Variants in EVC2 observed in about 807,000 individuals in gnomAD.
EVC2 encodes the protein limbin.
A neutral mutation model predicts 149.3 loss-of-function variants in EVC2; 148 were observed. That is an observed-to-expected ratio of 0.99 (90% confidence interval 0.87 to 1.14). The LOEUF is 1.14. Ranked by LOEUF, EVC2 falls within the 50% of genes most tolerant of loss-of-function variation. The pLI, the probability that EVC2 is intolerant of heterozygous loss-of-function variation, is 0.00. For synonymous variants in EVC2, 776 were observed against 649.9 expected, an observed-to-expected ratio of 1.19 and a Z score of -2.95; for missense variants, 1,854 against 1,627.3, an observed-to-expected ratio of 1.14 and a Z score of -2.40.
intron 7 of EVC2, 148 bp from the exon 8 acceptor site, chr4:5,665,797 T>A: frequency 7.9e-7 from 1 of 1,272,724 alleles, no homozygotes; most frequent in Non-Finnish European, 1.1e-6. Flanking sequence ...ACCAGCTGGC[T>A]GCCTGGAGGC....
Position 5,640,299 on chromosome 4 carries a change from A to G in EVC2, c.1470+215T>C. ...AGTGGGTGGATGGATGAGTGGGTGAATGGGTAGATGGGTGGATGGACAGAT... is the reference window on the plus strand; with the variant it reads ...AGTGGGTGGATGGATGAGTGGGTGAGTGGGTAGATGGGTGGATGGACAGAT... On this transcript the variant is annotated intron_variant, in intron 10 of 21. Coordinates refer to ENST00000344408, the MANE Select transcript of EVC2 (RefSeq NM_147127.5). This position sits in a 1 kb window ranked among gnomAD's most constrained non-coding sequence, Gnocchi z 4.6. Among the ~76,000 whole-genome samples the G allele has an allele frequency of 6.6e-6, 1 of 151,832 alleles. No homozygotes were observed. Among genetic ancestry groups the G allele is most frequent in the East Asian group, 1.9e-4 (1 of 5,176 alleles).
rs981092755 is a variant in EVC2 at position 5,614,999 on chromosome 4, CA to C, written c.2829+422del. ...TTCAAAAAAACCAAAACCAAACAAA[CA>C]AAAAAAAATGGGGCTGAAGGGAGAG... On this transcript the variant is annotated intron_variant, in intron 16 of 21. Coordinates refer to ENST00000344408, the MANE Select transcript of EVC2 (RefSeq NM_147127.5). This position sits in a 1 kb window ranked among gnomAD's most constrained non-coding sequence, Gnocchi z 4.7. 1.3e-4 allele frequency among the ~76,000 whole-genome samples: 20 copies of C among 150,460 alleles called. No individual in the cohort carries two copies. Among genetic ancestry groups the C allele is most frequent in the South Asian group, 2.1e-4 (1 of 4,748 alleles).
intron 16 of EVC2, among the ~76,000 whole-genome samples, chr4:5,601,102 C>T (rs1300913241): frequency 6.6e-6 from 1 of 152,126 alleles, no homozygotes; most frequent in African/African-American, 2.4e-5. Flanking sequence ...AAGATACTCA[C>T]ACTGGGGATT....
intron 16 of EVC2, among the ~76,000 whole-genome samples, chr4:5,601,559 A>G (rs955025159): frequency 6.6e-6 from 1 of 152,074 alleles, no homozygotes; most frequent in Non-Finnish European, 1.5e-5. Flanking sequence ...CAACACTGGA[A>G]TCCCGAGAGT....
At chr4:5,553,254 G>A (rs1385541933) in intron 21 of EVC2, among the ~76,000 whole-genome samples, 1 of 152,102 alleles carries the variant, frequency 6.6e-6, no homozygotes, top group Non-Finnish European at 1.5e-5. Context: ...GGTGGGGGGT[G>A]GGTGGTTTTA....
At chr4:5,635,233 C>T (rs1716818816) in intron 10 of EVC2, among the ~76,000 whole-genome samples, 1 of 151,832 alleles carries the variant, frequency 6.6e-6, no homozygotes, top group Non-Finnish European at 1.5e-5. Context: ...GGCGGGATTT[C>T]ACCATGTTGG....
intron 21 of EVC2, among the ~76,000 whole-genome samples, chr4:5,548,296 A>G (rs1415087560): frequency 6.6e-6 from 1 of 151,436 alleles, no homozygotes; most frequent in Non-Finnish European, 1.5e-5. Flanking sequence ...TACCCCAAAG[A>G]TCCCTCAAAA....
chr4:5,663,395 G>A (rs1236997959), intron 8 of EVC2, 149 bp from the exon 9 acceptor site: 6 of 1,036,938 alleles, frequency 5.8e-6, no homozygotes, highest in Admixed American at 5.6e-5. Flanking sequence ...ACAAGCTTTT[G>A]CGAATGTCCC....
intron 19 of EVC2, among the ~76,000 whole-genome samples, chr4:5,570,036 T>C (rs1722554337): frequency 6.6e-6 from 1 of 152,314 alleles, no homozygotes; most frequent in Non-Finnish European, 1.5e-5. Context: ...TTTTGGACTC[T>C]ACATGAGTCT....
In EVC2 at chr4:5,622,052, G is replaced by A. The variant is rs901746479; in HGVS notation, c.2501+485C>T. 5.9e-5 allele frequency among the ~76,000 whole-genome samples: 9 copies of A among 152,022 alleles called. No homozygotes were observed. The highest frequency in any genetic ancestry group is 1.9e-4 in the East Asian group (1 of 5,162). On this transcript the variant is annotated intron_variant, in intron 14 of 21. Coordinates refer to ENST00000344408, the MANE Select transcript of EVC2 (RefSeq NM_147127.5). This position sits in a 1 kb window ranked among gnomAD's most constrained non-coding sequence, Gnocchi z 5.8. The stretch of plus-strand genomic sequence containing the variant: ...TGCAGTGTGGTGGAAGAACTAACAC[G>A]AAGGTCAAGATCATGAGCAGCCTTG...
intron 12 of EVC2, among the ~76,000 whole-genome samples, chr4:5,628,168 G>A (rs942775259): frequency 6.6e-6 from 1 of 152,088 alleles, no homozygotes; most frequent in Non-Finnish European, 1.5e-5. Context: ...GTTTGTGTCA[G>A]GCAGTTCATT....
chr4:5,681,376 T>C, intron 6 of EVC2, 63 bp from the exon 7 acceptor site: 2 of 1,550,566 alleles, frequency 1.3e-6, no homozygotes, highest in African/African-American at 1.4e-5. Flanking sequence ...TGGGATAACA[T>C]TTGGTGCGAT....
intron 21 of EVC2, chr4:5,543,253 C>T (rs1381298222): frequency 6.4e-6 from 8 of 1,256,956 alleles, no homozygotes; most frequent in Non-Finnish European, 7.3e-6. Context: ...AAGTCTCTCC[C>T]ATCCCTACCC....
chr4:5,573,182 A>G (rs902332788), intron 19 of EVC2, among the ~76,000 whole-genome samples: 1 of 152,144 alleles, frequency 6.6e-6, no homozygotes, highest in Admixed American at 6.5e-5. Flanking sequence ...TCCCTCCCCA[A>G]AATGTCCCAT....
chr4:5,640,580 G>T lies in EVC2; in HGVS notation c.1404C>A (p.Asn468Lys). The T allele has an allele frequency of 2.5e-6, 4 of 1,614,066 alleles. No individual in the cohort carries two copies. In the Middle Eastern group the frequency reaches 4.9e-4, roughly 200 times the overall value. Residue 468 changes from asparagine to lysine, a missense_variant, in exon 10 of 22, where the codon AAC (asparagine) becomes AAA (lysine). Asn to Lys is a moderately conservative substitution (Grantham distance 94). Transcript: ENST00000344408. The surrounding 1 kb of genome is among the most constrained non-coding windows in gnomAD (Gnocchi z 4.6). ...CDLETRKKME[N>K]QYQREMMAME... ...TTGCCATCATCTCTCTCTGGTACTG[G>T]TTTTCCATCTTCTTTCTTGTTTCCA...
At chr4:5,673,483 T>G (rs140349817) in intron 7 of EVC2, among the ~76,000 whole-genome samples, 1 of 152,190 alleles carries the variant, frequency 6.6e-6, no homozygotes, top group African/African-American at 2.4e-5. Flanking sequence ...TGAGAATCAC[T>G]GTAAGTACAG....
chr4:5,607,962 G>C (rs1192068745), intron 16 of EVC2, among the ~76,000 whole-genome samples: 2 of 151,884 alleles, frequency 1.3e-5, no homozygotes, highest in African/African-American at 4.8e-5. Context: ...GGAGGCAGTG[G>C]GAAGAACACA....
At chr4:5,659,237 G>A (rs932864168) in intron 9 of EVC2, among the ~76,000 whole-genome samples, 5 of 152,084 alleles carry the variant, frequency 3.3e-5, no homozygotes, top group Admixed American at 2.0e-4. Flanking sequence ...TTACAAATGC[G>A]ATAACTGATT....
At position 5,613,279 on chromosome 4, in the gene EVC2, T is replaced by C. The variant is rs1577157386; in HGVS notation, c.2829+2143A>G. ...GCTTCAACCCTCTGGGTTCCCTCTGTGCACTGTGGCCTCCAGCACAGTCCA... is the reference window on the plus strand; with the variant it reads ...GCTTCAACCCTCTGGGTTCCCTCTGCGCACTGTGGCCTCCAGCACAGTCCA... On this transcript the variant is annotated intron_variant, in intron 16 of 21. Transcript: ENST00000344408. This position sits in a 1 kb window ranked among gnomAD's most constrained non-coding sequence, Gnocchi z 4.6. Among the ~76,000 whole-genome samples, 1 of 152,192 alleles carries C rather than the reference T, an allele frequency of 6.6e-6. No homozygotes were observed. The highest frequency in any genetic ancestry group is 2.4e-5 in the African/African-American group (1 of 41,454).
Sources: gnomAD v4.1 joint callset for allele counts (sites outside exome capture counted in the v4.1 genomes callset) on GRCh38, gnomAD v4.1.1 for gene constraint, Gnocchi (gnomAD v3.1) non-coding constraint, MANE v1.5 for transcripts, NCBI Gene and HGNC (gene_info 2026-07-23, HGNC 2026-07-21) for gene names.